Variants in SBNO2 observed in about 807,000 individuals in gnomAD.
SBNO2 encodes strawberry notch homolog 2.
SBNO2 carries 89 observed loss-of-function variants against 146.3 expected under a neutral mutation model. The observed-to-expected ratio is 0.61, with a 90% CI of 0.51 to 0.73. The LOEUF is 0.73. Ranked by LOEUF, SBNO2 falls within the 30% of genes least tolerant of loss-of-function variation. SBNO2 has a pLI of 0.00. For missense variants in SBNO2, 2,092 were observed against 2,003.7 expected (o/e 1.04, Z -0.84); for synonymous variants, 1,147 against 892.6 (o/e 1.29, Z -5.08).
rs774852313 is a variant in SBNO2 at position 1,154,220 on chromosome 19, C to T, written c.57G>A (p.Pro19=). 49 of 1,259,486 alleles carry T rather than the reference C, an allele frequency of 3.9e-5. No homozygotes were observed. The highest frequency in any genetic ancestry group is 6.0e-5 in the East Asian group (2 of 33,242). The allele number at this position is 1,259,486 out of a possible 1,614,324, so 78.0% of individuals were successfully genotyped here. The change falls in exon 2 of 32, where the codon CCG becomes CCA. Residue 19 remains proline (P), a synonymous_variant. Transcript: ENST00000361757. ...DRDYPQHEPP[P]AGSLLYSPPP... ...GCGGGCTGTACAGGAGGCTGCCCGC[C>T]GGCGGGGGTTCATGCTGCGGGTAAT...
rs2302110 is a variant in SBNO2, at chr19:1,113,702, G to A, written c.2080C>T (p.Pro694Ser). 0.21 allele frequency: 330,505 copies of A among 1,548,226 alleles called. 36,562 individuals are homozygous for A. The highest frequency in any genetic ancestry group is 0.22 in the Non-Finnish European group (258,341 of 1,149,130). ...AVGLPSDDRG[P>S]LCLLQRDPHG... The stretch of plus-strand genomic sequence containing the variant: ...GGGTCTCTCTGCAGGAGGCACAGGG[G>A]TCCTAGGGAGGAGGTGGAGGGTCAG... The change falls in exon 19 of 32, where the codon CCC (proline) becomes TCC (serine). Residue 694 changes from proline to serine, a missense_variant and splice_region_variant. Coordinates refer to ENST00000361757, the MANE Select transcript of SBNO2 (RefSeq NM_014963.3).
rs1026785967 is a variant in SBNO2, at chr19:1,122,992, T to C, written c.682A>G (p.Ser228Gly). ...TAGGTGATGTCTGGGGGTGGGACGC[T>C]GGACAGTGTGCTGGTCTCCACCACG... Reference protein sequence around the residue: ...DRVVETSTLSSVPPPDITYTL... With the variant: ...DRVVETSTLSGVPPPDITYTL... The change falls in exon 8 of 32, where the codon AGC becomes GGC. Residue 228 changes from serine (S) to glycine (G), a missense_variant. Transcript: ENST00000361757. 6 of 1,582,282 alleles carry C rather than the reference T, an allele frequency of 3.8e-6. No individual in the cohort carries two copies. The African/African-American group carries it at 6.7e-5, about 18-fold the overall frequency.
chr19:1,170,350 G>A (rs1028484127), intron 1 of SBNO2, among the ~76,000 whole-genome samples: 5 of 152,184 alleles, frequency 3.3e-5, no homozygotes, highest in East Asian at 1.9e-4. Flanking sequence ...TCTGCTCTTC[G>A]TCCCAGCCCG....
At chr19:1,160,535 G>A (rs1174903691) in intron 1 of SBNO2, among the ~76,000 whole-genome samples, 1 of 152,060 alleles carries the variant, frequency 6.6e-6, no homozygotes, top group African/African-American at 2.4e-5. Flanking sequence ...GCCACCGGGG[G>A]TCTCGTCCCT....
At chr19:1,172,231 T>TCC (rs2080484738) in intron 1 of SBNO2, among the ~76,000 whole-genome samples, 1 of 152,198 alleles carries the variant, frequency 6.6e-6, no homozygotes, top group African/African-American at 2.4e-5. Flanking sequence ...TGCCTGCGTC[T>TCC]CCTCTGCCGT....
At position 1,136,452 on chromosome 19, in the gene SBNO2, T is replaced by A. The variant is rs2145267788; in HGVS notation, c.280-8687A>T. ...CGCACAGCTTCCTGCTGAGTCTCCC[T>A]CTCTAAGGCTGTCTGTGGGCGGCTC... On this transcript the variant is annotated intron_variant, in intron 4 of 31. Coordinates refer to ENST00000361757, the MANE Select transcript of SBNO2 (RefSeq NM_014963.3). This position sits in a 1 kb window ranked among gnomAD's most constrained non-coding sequence, Gnocchi z 4.2. 6.6e-6 allele frequency among the ~76,000 whole-genome samples: 1 copy of A among 152,252 alleles called. No individual in the cohort carries two copies. The highest frequency in any genetic ancestry group is 1.9e-4 in the East Asian group (1 of 5,180).
In SBNO2 at chr19:1,110,662, C is replaced by A; in HGVS notation, c.3028+83G>T. 1.5e-5 allele frequency: 23 copies of A among 1,500,912 alleles called. No homozygotes were observed. The highest frequency in any genetic ancestry group is 2.1e-5 in the Non-Finnish European group (23 of 1,113,196). The allele number at this position is 1,500,912 out of a possible 1,614,324, so 93.0% of individuals were successfully genotyped here. A position where few individuals can be genotyped will look rare whatever the true frequency, so the allele number is the denominator to read the frequency against. The stretch of plus-strand genomic sequence containing the variant: ...CGGGATGCCCGGTGTTCCCACGAGC[C>A]CCGAGCCCACCCAGGATGCATGGCG... On this transcript the variant is annotated intron_variant, in intron 26 of 31. Coordinates refer to ENST00000361757, the MANE Select transcript of SBNO2 (RefSeq NM_014963.3). The surrounding 1 kb of genome is among the most constrained non-coding windows in gnomAD (Gnocchi z 4.9).
intron 1 of SBNO2, among the ~76,000 whole-genome samples, chr19:1,162,361 G>T (rs1435905027): frequency 6.7e-6 from 1 of 149,584 alleles, no homozygotes; most frequent in Non-Finnish European, 1.5e-5. Flanking sequence ...TCGGGAGGCC[G>T]AGGCAGGAGA....
chr19:1,109,053 T>A lies in SBNO2; in HGVS notation c.3425+82A>T. On this transcript the variant is annotated intron_variant, in intron 30 of 31. Coordinates refer to ENST00000361757, the MANE Select transcript of SBNO2 (RefSeq NM_014963.3). This position sits in a 1 kb window ranked among gnomAD's most constrained non-coding sequence, Gnocchi z 4.2. ...AGGTGCCCTGAGATCTCCCGCCTCCTCTCAGGGTCTCGGGAGCCCCCGATC... is the reference window on the plus strand; with the variant it reads ...AGGTGCCCTGAGATCTCCCGCCTCCACTCAGGGTCTCGGGAGCCCCCGATC... 6.6e-7 allele frequency: 1 copy of A among 1,516,198 alleles called. No individual in the cohort carries two copies. Among genetic ancestry groups the A allele is most frequent in the Non-Finnish European group, 8.8e-7 (1 of 1,132,376 alleles). 93.9% of individuals were successfully genotyped at this position (1,516,198 alleles called of 1,614,324 possible).
intron 4 of SBNO2, among the ~76,000 whole-genome samples, chr19:1,138,788 G>T (rs1012093362): frequency 6.6e-6 from 1 of 150,662 alleles, no homozygotes. Context: ...GACAGACACA[G>T]TGGGGCCCTC....
At chr19:1,170,013 C>T (rs534448856) in intron 1 of SBNO2, among the ~76,000 whole-genome samples, 2 of 152,186 alleles carry the variant, frequency 1.3e-5, no homozygotes, top group African/African-American at 4.8e-5. Flanking sequence ...CACGTCTACC[C>T]CCCATCTGTG....
intron 4 of SBNO2, chr19:1,128,397 A>AT (rs776481147): frequency 0.061 from 15,145 of 247,064 alleles, no homozygotes; most frequent in South Asian, 0.14. Flanking sequence ...ACATCATTTC[A>AT]TTTTTTTTTT....
intron 1 of SBNO2, among the ~76,000 whole-genome samples, chr19:1,171,472 C>T (rs1052189097): frequency 2.0e-5 from 3 of 152,164 alleles, no homozygotes; most frequent in African/African-American, 2.4e-5. Flanking sequence ...GCCTCCACAC[C>T]GCCTCCAGGA....
At position 1,140,757 on chromosome 19, in the gene SBNO2, G is replaced by A. The variant is rs1040199422; in HGVS notation, c.279+6552C>T. Among the ~76,000 whole-genome samples, 4 of 151,148 alleles carry A rather than the reference G, an allele frequency of 2.6e-5. No homozygotes were observed. Among genetic ancestry groups the A allele is most frequent in the Non-Finnish European group, 4.4e-5 (3 of 67,694 alleles). ...CCCACGGGCAGAGGCTGCTGACCCC[G>A]CCTTGGGCAGGACCAGCCTCTGCTC... On this transcript the variant is annotated intron_variant, in intron 4 of 31. Transcript: ENST00000361757. This position sits in a 1 kb window ranked among gnomAD's most constrained non-coding sequence, Gnocchi z 4.4.
chr19:1,168,950 C>G (rs2080451677), intron 1 of SBNO2: 1 of 152,292 alleles, frequency 6.6e-6, no homozygotes, highest in Non-Finnish European at 1.5e-5. Context: ...GAGTGAGCCG[C>G]CTTCCGGAAC....
rs778722893 is a variant in SBNO2, at chr19:1,112,229, C to T, written c.2588G>A (p.Arg863His). The T allele has an allele frequency of 1.9e-6, 3 of 1,590,638 alleles. No homozygotes were observed. The highest frequency in any genetic ancestry group is 1.1e-5 in the South Asian group (1 of 88,090). ...VFLISELAGE[R>H]RFASIVAKRL... ...CTTGGCCACGATGGAGGCGAACCGG[C>T]GCTCCCCGGCCAGCTCCGAGATGAG... The change falls in exon 22 of 32, where the codon CGC becomes CAC. Residue 863 changes from arginine to histidine, a missense_variant. By Grantham distance (29) the Arg-to-His change is conservative. Transcript: ENST00000361757. The surrounding 1 kb of genome is among the most constrained non-coding windows in gnomAD (Gnocchi z 5.9).
At chr19:1,113,514 C>G in intron 19 of SBNO2, 21 bp downstream of exon 19, 1 of 1,582,534 alleles carries the variant, frequency 6.3e-7, no homozygotes, top group East Asian at 2.4e-5. Context: ...CACCACACTC[C>G]AGCTGCCACG....
intron 13 of SBNO2, 92 bp downstream of exon 13, chr19:1,119,424 C>T: frequency 9.6e-7 from 1 of 1,044,744 alleles, no homozygotes; most frequent in South Asian, 1.5e-5. Context: ...GCTGGGGAAG[C>T]ACACGTGGCA....
In SBNO2 at chr19:1,127,617, G is replaced by A. The variant is rs1396511922; in HGVS notation, c.428C>T (p.Ser143Phe). ...STIWDDNPAP[S>F]THDKLFQLSR... The stretch of plus-strand genomic sequence containing the variant: ...GGGCGCACTGACCTTATCGTGGGTG[G>A]AGGGGGCAGGGTTATCGTCCCAGAT... The change falls in exon 5 of 32, where the codon TCC (serine) becomes TTC (phenylalanine). Residue 143 changes from serine to phenylalanine, a missense_variant. Ser to Phe is a radical substitution (Grantham distance 155). Transcript: ENST00000361757. 2.5e-6 allele frequency: 4 copies of A among 1,612,900 alleles called. No individual in the cohort carries two copies. The highest frequency in any genetic ancestry group is 1.1e-5 in the South Asian group (1 of 91,072).
Sources: gnomAD v4.1 joint callset for allele counts (sites outside exome capture counted in the v4.1 genomes callset) on GRCh38, gnomAD v4.1.1 for gene constraint, Gnocchi (gnomAD v3.1) non-coding constraint, MANE v1.5 for transcripts, NCBI Gene and HGNC (gene_info 2026-07-23, HGNC 2026-07-21) for gene names.